INTS6: variants seen among roughly 807,000 people sequenced by gnomAD.
INTS6 encodes the protein DEAD box protein.
Under a neutral mutation model 104.9 loss-of-function variants are expected in INTS6, and 16 were observed. The observed-to-expected ratio is 0.15, with a 90% CI of 0.10 to 0.23. The LOEUF (loss-of-function observed/expected upper bound fraction) is 0.23, where lower values mean the gene tolerates loss of function less well. INTS6 is among the 10% of genes least tolerant of loss of function. The pLI is 1.00. For synonymous variants in INTS6, 324 were observed against 358.7 expected (o/e 0.90, Z 1.09); for missense variants, 584 against 1,062.8 (o/e 0.55, Z 6.26).
intron 4 of INTS6, among the ~76,000 whole-genome samples, chr13:51,397,710 T>C (rs544644799): frequency 6.6e-6 from 1 of 152,246 alleles, no homozygotes; most frequent in Non-Finnish European, 1.5e-5. Flanking sequence ...AAAGCACCAG[T>C]GGTACTGCGT....
At chr13:51,422,931 C>T in intron 4 of INTS6, 2 of 477,542 alleles carry the variant, frequency 4.2e-6, no homozygotes, top group Non-Finnish European at 6.6e-6. Flanking sequence ...CTTACTCTTC[C>T]CTCAAAACTT....
chr13:51,340,062 C>CA, the INTS6 span, among the ~76,000 whole-genome samples: 1 of 152,150 alleles, frequency 6.6e-6, no homozygotes, highest in East Asian at 1.9e-4. Flanking sequence ...AAATAGGCAC[C>CA]ATCGTGCTCA....
intron 16 of INTS6, among the ~76,000 whole-genome samples, 186 bp downstream of exon 16, chr13:51,368,753 G>C (rs1448713568): frequency 6.6e-6 from 1 of 152,052 alleles, no homozygotes; most frequent in Non-Finnish European, 1.5e-5. Context: ...ACCATACCTA[G>C]TACCTTGGAA....
At chr13:51,389,298 A>G (rs1956203464) in intron 6 of INTS6, 21 bp downstream of exon 6, 2 of 1,602,794 alleles carry the variant, frequency 1.2e-6, no homozygotes, top group African/African-American at 1.4e-5. Flanking sequence ...TTGAATGTCT[A>G]AAAGAAAAGT....
chr13:51,344,146 G>A, the INTS6 span: 1 of 771,704 alleles, frequency 1.3e-6, no homozygotes, highest in Admixed American at 2.1e-5. Flanking sequence ...TTATGAGCAA[G>A]AGTGGAGTTG....
downstream of INTS6, among the ~76,000 whole-genome samples, chr13:51,359,603 T>G (rs1955530687): frequency 6.6e-6 from 1 of 152,118 alleles, no homozygotes; most frequent in African/African-American, 2.4e-5. Context: ...TTTCTCACAC[T>G]GCCAAGGTGC....
the INTS6 span, chr13:51,335,970 C>G: frequency 6.6e-6 from 1 of 152,130 alleles, no homozygotes; most frequent in African/African-American, 2.4e-5. Context: ...GGGGTGCTTG[C>G]ATGAAACAGT....
In INTS6 at chr13:51,389,302, GA is replaced by G. The variant is rs1185031054; in HGVS notation, c.739+16del. 1 of 1,601,848 alleles carries G rather than the reference GA, an allele frequency of 6.2e-7. No homozygotes were observed. The highest frequency in any genetic ancestry group is 8.5e-7 in the Non-Finnish European group (1 of 1,176,672). ...TAAAGCAAGTTTTGAATGTCTAAAAGAAAAGTGCAATAATACCTTCTACAGG... is the reference window on the plus strand; with the variant it reads ...TAAAGCAAGTTTTGAATGTCTAAAAGAAAGTGCAATAATACCTTCTACAGG... On this transcript the variant is annotated intron_variant, in intron 6 of 17. Transcript: ENST00000311234.
chr13:51,396,552 C>T (rs1956341887), intron 4 of INTS6, among the ~76,000 whole-genome samples: 2 of 152,126 alleles, frequency 1.3e-5, no homozygotes, highest in Admixed American at 1.3e-4. Context: ...GATGACCAGA[C>T]ACTATGTTTC....
At chr13:51,404,113 G>GAA (rs1273844385) in intron 4 of INTS6, among the ~76,000 whole-genome samples, 1 of 143,968 alleles carries the variant, frequency 6.9e-6, no homozygotes, top group African/African-American at 2.6e-5. Flanking sequence ...CAGAGAGAGA[G>GAA]AGAGAGAGAG....
At chr13:51,451,863 A>C in intron 2 of INTS6, 115 bp downstream of exon 2, 3 of 534,650 alleles carry the variant, frequency 5.6e-6, no homozygotes, top group Admixed American at 2.9e-5. Context: ...AGCGGCTGGG[A>C]GCGCAGCGGG....
intron 4 of INTS6, among the ~76,000 whole-genome samples, chr13:51,425,726 A>G (rs1005010340): frequency 6.6e-6 from 1 of 152,110 alleles, no homozygotes; most frequent in Non-Finnish European, 1.5e-5. Context: ...TTATCTGCAG[A>G]TATCAGAAGA....
intron 3 of INTS6, chr13:51,444,975 A>G (rs1169319127): frequency 6.6e-6 from 1 of 152,088 alleles, no homozygotes; most frequent in Non-Finnish European, 1.5e-5. Flanking sequence ...GCTCTATAGG[A>G]AATAAATCAT....
the INTS6 span, among the ~76,000 whole-genome samples, chr13:51,343,978 C>T: frequency 6.6e-6 from 1 of 152,212 alleles, no homozygotes; most frequent in Non-Finnish European, 1.5e-5. Context: ...TATTCATCTA[C>T]TGGATGTTGG....
chr13:51,418,383 T>A (rs531206891), intron 4 of INTS6, among the ~76,000 whole-genome samples: 1 of 151,636 alleles, frequency 6.6e-6, no homozygotes, highest in Admixed American at 6.6e-5. Context: ...AAAAAAAAAA[T>A]CAAGTAAATT....
chr13:51,418,231 A>G (rs1220224331), intron 4 of INTS6, among the ~76,000 whole-genome samples: 5 of 152,228 alleles, frequency 3.3e-5, no homozygotes, highest in Non-Finnish European at 7.3e-5. Context: ...CCCTAAATAC[A>G]TATTTATTGA....
At chr13:51,451,717 GCAGCGCCGCCGC>G (rs1953053588) in intron 2 of INTS6, 1 of 193,978 alleles carries the variant, frequency 5.2e-6, no homozygotes, top group African/African-American at 2.5e-5. Flanking sequence ...CATGTTGATA[GCAGCGCCGCCGC>G]CGCCGCCGCC....
At chr13:51,370,818 G>T (rs4942997) in intron 15 of INTS6, among the ~76,000 whole-genome samples, 5,216 of 152,216 alleles carry the variant, frequency 0.034, 106 homozygotes, top group South Asian at 0.06. Flanking sequence ...CCCCTGTCTG[G>T]CCTGCATTCA....
In INTS6 at chr13:51,361,730, A is replaced by G; in HGVS notation, c.*4022T>C. The G allele has an allele frequency of 7.8e-7, 1 of 1,283,558 alleles. No homozygotes were observed. 79.5% of individuals were successfully genotyped at this position (1,283,558 alleles called of 1,614,324 possible). A position where few individuals can be genotyped will look rare whatever the true frequency, so the allele number is the denominator to read the frequency against. On this transcript the variant is annotated 3_prime_UTR_variant, in exon 18 of 18. Transcript: ENST00000311234. The stretch of plus-strand genomic sequence containing the variant: ...TTAGGATGCTTTGATTTCTTAAAAA[A>G]TTAACTTACTTCATAACCAATAGTT...
Sources: gnomAD v4.1 joint callset for allele counts (sites outside exome capture counted in the v4.1 genomes callset) on GRCh38, gnomAD v4.1.1 for gene constraint, MANE v1.5 for transcripts, NCBI Gene and HGNC (gene_info 2026-07-23, HGNC 2026-07-21) for gene names.